HTR7: variants seen among roughly 807,000 people sequenced by gnomAD.
The protein encoded by HTR7 is 5-HT-7.
In HTR7, 16 loss-of-function variants were observed where a neutral mutation model predicts 34.0. The ratio of observed to expected loss-of-function variants is 0.47; its 90% CI spans 0.32 to 0.71. The LOEUF (loss-of-function observed/expected upper bound fraction) is 0.71. HTR7 is among the 30% of genes least tolerant of loss of function. The pLI is 0.04. For missense variants in HTR7, 504 were observed against 625.5 expected (o/e 0.81, Z 2.07); for synonymous variants, 265 against 260.2 (o/e 1.02, Z -0.18).
intron 1 of HTR7, among the ~76,000 whole-genome samples, chr10:90,825,646 A>G (rs986047799): frequency 3.2e-4 from 48 of 152,370 alleles, no homozygotes; most frequent in Non-Finnish European, 2.2e-4. Context: ...TCAGATAAAT[A>G]TAACAAAGGA....
intron 1 of HTR7, among the ~76,000 whole-genome samples, chr10:90,833,760 A>G (rs1313591964): frequency 6.6e-6 from 1 of 152,246 alleles, no homozygotes; most frequent in African/African-American, 2.4e-5. Flanking sequence ...CACCTTAGAC[A>G]AGATGAAATT....
intron 1 of HTR7, among the ~76,000 whole-genome samples, chr10:90,815,053 TGCAGG>T: frequency 6.6e-6 from 1 of 151,914 alleles, no homozygotes; most frequent in Non-Finnish European, 1.5e-5. Context: ...AATGTAAAAA[TGCAGG>T]ATTGCAAAAG....
intron 1 of HTR7, among the ~76,000 whole-genome samples, chr10:90,803,835 T>C (rs1845665325): frequency 6.6e-6 from 1 of 152,192 alleles, no homozygotes; most frequent in Non-Finnish European, 1.5e-5. Context: ...GGCAGGAAAA[T>C]ACTGGGTAGG....
chr10:90,825,096 T>C (rs922757080), intron 1 of HTR7, among the ~76,000 whole-genome samples: 11 of 152,180 alleles, frequency 7.2e-5, no homozygotes, highest in African/African-American at 2.4e-4. Context: ...ATAACCCCTT[T>C]CCCAGCTCCA....
intron 1 of HTR7, among the ~76,000 whole-genome samples, chr10:90,817,411 C>T (rs1276472264): frequency 6.6e-6 from 1 of 152,210 alleles, no homozygotes; most frequent in Non-Finnish European, 1.5e-5. Context: ...TTCACCCCTC[C>T]CTAAGGTAAG....
intron 1 of HTR7, among the ~76,000 whole-genome samples, chr10:90,768,905 C>G (rs1039230163): frequency 6.6e-6 from 1 of 152,194 alleles, no homozygotes; most frequent in African/African-American, 2.4e-5. Flanking sequence ...TTCAGTTGGC[C>G]TTTGAAGAAA....
intron 1 of HTR7, among the ~76,000 whole-genome samples, chr10:90,772,354 G>T (rs985756107): frequency 6.6e-6 from 1 of 151,996 alleles, no homozygotes; most frequent in Non-Finnish European, 1.5e-5. Flanking sequence ...ATTAGTTATA[G>T]TCTAATAATT....
At chr10:90,856,913 A>C (rs889802710) in intron 1 of HTR7, among the ~76,000 whole-genome samples, 1 of 152,200 alleles carries the variant, frequency 6.6e-6, no homozygotes, top group African/African-American at 2.4e-5. Context: ...CACTACAGTA[A>C]ACCAGAACAT....
chr10:90,803,317 TG>T lies in HTR7; in HGVS notation c.540-53724del, dbSNP rs1488407192. Among the ~76,000 whole-genome samples, 7 of 152,286 alleles carry T rather than the reference TG, an allele frequency of 4.6e-5. No homozygotes were observed. The East Asian group carries it at 1.4e-3, about 29-fold the overall frequency. The stretch of plus-strand genomic sequence containing the variant: ...TGAGGGTCTTGTGTCCCTTCTCCCC[TG>T]ATCTTTCCCTTGGGGTAGGGTATTC... On this transcript the variant is annotated intron_variant, in intron 1 of 3. Coordinates refer to ENST00000336152, the MANE Select transcript of HTR7 (RefSeq NM_019859.4).
chr10:90,849,197 G>A (rs1043336633), intron 1 of HTR7, among the ~76,000 whole-genome samples: 1 of 152,196 alleles, frequency 6.6e-6, no homozygotes, highest in African/African-American at 2.4e-5. Flanking sequence ...TAAAATAACA[G>A]GGTCTTAGGG....
intron 1 of HTR7, among the ~76,000 whole-genome samples, chr10:90,794,317 A>ACCT (rs1472998963): frequency 6.6e-6 from 1 of 151,962 alleles, no homozygotes; most frequent in Non-Finnish European, 1.5e-5. Context: ...CTTCTTGAAT[A>ACCT]CCTCCTTAAG....
chr10:90,806,204 T>A (rs565229998), intron 1 of HTR7, among the ~76,000 whole-genome samples: 1 of 152,154 alleles, frequency 6.6e-6, no homozygotes, highest in East Asian at 1.9e-4. Flanking sequence ...ATGAGACAGA[T>A]AAAATTAAAT....
At chr10:90,797,104 G>GT (rs1190244071) in intron 1 of HTR7, among the ~76,000 whole-genome samples, 4 of 152,050 alleles carry the variant, frequency 2.6e-5, no homozygotes, top group African/African-American at 9.7e-5. Context: ...TATGATAAAG[G>GT]TATGTCCTCA....
At chr10:90,823,365 T>C (rs893692789) in intron 1 of HTR7, among the ~76,000 whole-genome samples, 1 of 152,234 alleles carries the variant, frequency 6.6e-6, no homozygotes, top group African/African-American at 2.4e-5. Flanking sequence ...TTTGGAGCTT[T>C]AAGATGTAAT....
chr10:90,855,096 T>G (rs1003033185), intron 1 of HTR7, among the ~76,000 whole-genome samples: 1 of 152,244 alleles, frequency 6.6e-6, no homozygotes, highest in African/African-American at 2.4e-5. Flanking sequence ...TCTAAAGAAA[T>G]GATATGCTGA....
chr10:90,745,472 T>G (rs1323253216), intron 2 of HTR7, among the ~76,000 whole-genome samples: 1 of 152,216 alleles, frequency 6.6e-6, no homozygotes, highest in Non-Finnish European at 1.5e-5. Flanking sequence ...ATATGAATTT[T>G]GCAGGAGACA....
intron 1 of HTR7, among the ~76,000 whole-genome samples, chr10:90,771,954 C>A (rs897233719): frequency 2.0e-5 from 3 of 152,140 alleles, no homozygotes; most frequent in African/African-American, 7.2e-5. Context: ...TAAAAGATAC[C>A]TAACTTTCAA....
chr10:90,754,927 A>G (rs929471535), intron 1 of HTR7, among the ~76,000 whole-genome samples: 3 of 152,242 alleles, frequency 2.0e-5, no homozygotes, highest in African/African-American at 7.2e-5. Context: ...TGCAGTTGGC[A>G]AAATCCACTA....
chr10:90,782,020 A>C (rs1384530156), intron 1 of HTR7, among the ~76,000 whole-genome samples: 1 of 152,208 alleles, frequency 6.6e-6, no homozygotes, highest in East Asian at 1.9e-4. Flanking sequence ...AGGACCAAGC[A>C]TTGGCCTCTG....
Sources: gnomAD v4.1 joint callset for allele counts (sites outside exome capture counted in the v4.1 genomes callset) on GRCh38, gnomAD v4.1.1 for gene constraint, MANE v1.5 for transcripts, NCBI Gene and HGNC (gene_info 2026-07-23, HGNC 2026-07-21) for gene names.